Variants in ABCB5 observed in about 807,000 individuals in gnomAD.
ABCB5 encodes the protein ATP binding cassette subfamily B member 5.
Under a neutral mutation model 144.2 loss-of-function variants are expected in ABCB5, and 155 were observed. That is an observed-to-expected ratio of 1.08 (90% CI 0.94 to 1.23). The LOEUF is 1.23. Ranked by LOEUF, ABCB5 falls within the 50% of genes most tolerant of loss-of-function variation. ABCB5 has a pLI of 0.00. For synonymous variants in ABCB5, 610 were observed against 528.6 expected (o/e 1.15, Z -2.11); for missense variants, 1,830 against 1,520.8 (o/e 1.20, Z -3.38).
At chr7:20,619,907 A>G (rs1783773056) in intron 1 of ABCB5, among the ~76,000 whole-genome samples, 1 of 152,152 alleles carries the variant, frequency 6.6e-6, no homozygotes, top group South Asian at 2.1e-4. Flanking sequence ...CTAGCCAGGT[A>G]TCCCAGCACC....
At chr7:20,748,111 T>G (rs923489349) in intron 26 of ABCB5, among the ~76,000 whole-genome samples, 5 of 152,206 alleles carry the variant, frequency 3.3e-5, no homozygotes, top group Admixed American at 3.3e-4. Flanking sequence ...ACCTGGATTC[T>G]TTGTGCTATC....
rs756316819 is a variant in ABCB5 at position 20,739,050 on chromosome 7, T to C, written c.2935T>C (p.Ser979Pro). Residue 979 changes from serine to proline, a missense_variant, in exon 24 of 28, where the codon TCC (serine) becomes CCC (proline). Coordinates refer to ENST00000404938, the MANE Select transcript of ABCB5 (RefSeq NM_001163941.2). ...AACGCTCGTTTTGGCTCCTGAATAT[T>C]CCAAAGCCAAATCGGGGGCTGCGCA... The part of the protein sequence containing the change: ...GETLVLAPEY[S>P]KAKSGAAHLF... 2.5e-6 allele frequency: 4 copies of C among 1,612,856 alleles called. No homozygotes were observed. The South Asian group carries it at 4.4e-5, about 18-fold the overall frequency.
At chr7:20,749,768 T>A (rs984524269) in intron 26 of ABCB5, among the ~76,000 whole-genome samples, 9 of 152,020 alleles carry the variant, frequency 5.9e-5, no homozygotes, top group African/African-American at 2.2e-4. Context: ...GGCTGGGGGT[T>A]CAGAGGAGAC....
chr7:20,739,907 G>A (rs932438724), intron 24 of ABCB5, among the ~76,000 whole-genome samples: 1 of 152,004 alleles, frequency 6.6e-6, no homozygotes, highest in African/African-American at 2.4e-5. Flanking sequence ...TAATAGGTAG[G>A]GTGTATAATT....
At chr7:20,634,555 C>A (rs1309304565) in intron 5 of ABCB5, among the ~76,000 whole-genome samples, 2 of 152,092 alleles carry the variant, frequency 1.3e-5, no homozygotes, top group African/African-American at 4.8e-5. Context: ...TTCTCACCAA[C>A]ATCTGTTATT....
chr7:20,726,960 T>C (rs1782056416), intron 21 of ABCB5, 80 bp from the exon 22 acceptor site: 3 of 924,718 alleles, frequency 3.2e-6, no homozygotes, highest in African/African-American at 3.4e-5. Context: ...GTCCCCAGTG[T>C]GAGTGACTAG....
rs796246369 is a variant in ABCB5 at position 20,681,074 on chromosome 7, T to C, written c.1708-431T>C. On this transcript the variant is annotated intron_variant, in intron 14 of 27. Transcript: ENST00000404938. Reference sequence around the variant, plus strand: ...TCTCTCTCTCTCTTTCTTTCTTTCTTTCTTTCTTTCTTTCTTTCTTTCTTT... The same window carrying C: ...TCTCTCTCTCTCTTTCTTTCTTTCTCTCTTTCTTTCTTTCTTTCTTTCTTT... Among the ~76,000 whole-genome samples the C allele has an allele frequency of 5.6e-3, 67 of 11,888 alleles. 3 individuals are homozygous for C. The highest frequency in any genetic ancestry group is 0.029 in the African/African-American group (58 of 2,006). The allele number at this position is 11,888 out of a possible 152,430, so 7.8% of individuals were successfully genotyped here. A position where few individuals can be genotyped will look rare whatever the true frequency, so the allele number is the denominator to read the frequency against.
chr7:20,695,628 A>G (rs2128042437), intron 16 of ABCB5, among the ~76,000 whole-genome samples: 1 of 152,114 alleles, frequency 6.6e-6, no homozygotes, highest in East Asian at 1.9e-4. Flanking sequence ...AATGAAAAGG[A>G]TAGACCATAA....
rs1782990505 is a variant in ABCB5, at chr7:20,753,377, T to A, written c.3447T>A (p.Val1149=). The change falls in exon 27 of 28, where the codon GTT becomes GTA. Residue 1149 remains valine (V), a synonymous_variant. Transcript: ENST00000404938. ...EGLPEKYNTQ[V]GLKGAQLSGG... ...TGTGATAGAAATACAACACACAAGT[T>A]GGACTGAAAGGAGCACAGCTTTCTG... The A allele has an allele frequency of 6.2e-7, 1 of 1,613,076 alleles. No homozygotes were observed. Among genetic ancestry groups the A allele is most frequent in the Non-Finnish European group, 8.5e-7 (1 of 1,179,518 alleles).
chr7:20,720,385 A>T (rs1781820469), intron 20 of ABCB5, among the ~76,000 whole-genome samples: 1 of 152,242 alleles, frequency 6.6e-6, no homozygotes, highest in African/African-American at 2.4e-5. Context: ...TTTATTAATT[A>T]CAAAGGGAGA....
At chr7:20,690,374 T>C (rs1344403449) in intron 16 of ABCB5, among the ~76,000 whole-genome samples, 1 of 152,266 alleles carries the variant, frequency 6.6e-6, no homozygotes. Context: ...ACTTGTTAAA[T>C]ATTTTGAATA....
intron 27 of ABCB5, 106 bp downstream of exon 27, chr7:20,753,612 G>A: frequency 3.8e-6 from 5 of 1,316,540 alleles, no homozygotes; most frequent in Non-Finnish European, 5.1e-6. Flanking sequence ...GGAAAGAATT[G>A]TAGTTCTAAG....
intron 7 of ABCB5, 118 bp from the exon 8 acceptor site, chr7:20,645,638 A>T (rs1784385461): frequency 1.6e-6 from 2 of 1,286,034 alleles, no homozygotes; most frequent in Non-Finnish European, 2.1e-6. Context: ...AAATACAGAG[A>T]TAAAGTCTAA....
intron 21 of ABCB5, among the ~76,000 whole-genome samples, chr7:20,726,665 C>T (rs1782047945): frequency 6.6e-6 from 1 of 152,166 alleles, no homozygotes. Flanking sequence ...TTGTGCCTAG[C>T]ATCTGCTATC....
rs11547257 is a variant in ABCB5, at chr7:20,647,639, T to C, written c.1086T>C (p.Val362=). The C allele has an allele frequency of 6.4e-7, 1 of 1,567,720 alleles. No individual in the cohort carries two copies. The highest frequency in any genetic ancestry group is 8.7e-7 in the Non-Finnish European group (1 of 1,154,732). Residue 362 remains valine (V), a synonymous_variant, in exon 10 of 28, where the codon GTT becomes GTC. Transcript: ENST00000404938. ...ARGAAFHIFQ[V]IDKKPSIDNF... is the part of the protein sequence containing the mutation. The stretch of plus-strand genomic sequence containing the variant: ...GAGCTGCCTTTCATATTTTCCAGGT[T>C]ATTGATAAGGTAAGACCTCTTATTG...
intron 3 of ABCB5, among the ~76,000 whole-genome samples, chr7:20,628,046 A>G (rs1783947666): frequency 1.3e-5 from 2 of 152,150 alleles, no homozygotes; most frequent in Non-Finnish European, 2.9e-5. Context: ...TCTAGGGTAC[A>G]TGTTCACAAC....
chr7:20,747,998 C>G (rs1285400556), intron 26 of ABCB5, among the ~76,000 whole-genome samples: 1 of 152,146 alleles, frequency 6.6e-6, no homozygotes, highest in Non-Finnish European at 1.5e-5. Context: ...AAGAACTAAG[C>G]TAAATTTCCA....
At chr7:20,713,831 T>C (rs886469583) in intron 20 of ABCB5, among the ~76,000 whole-genome samples, 2 of 149,602 alleles carry the variant, frequency 1.3e-5, no homozygotes, top group Non-Finnish European at 3.0e-5. Context: ...ACTACTCAGC[T>C]GAATACTCAA....
At position 20,753,394 on chromosome 7, in the gene ABCB5, A is replaced by G. The variant is rs1314085393; in HGVS notation, c.3464A>G (p.Gln1155Arg). 1 of 1,614,156 alleles carries G rather than the reference A, an allele frequency of 6.2e-7. No homozygotes were observed. The highest frequency in any genetic ancestry group is 1.7e-5 in the Admixed American group (1 of 60,030). ...YNTQVGLKGA[Q>R]LSGGQKQRLA... ...ACACAAGTTGGACTGAAAGGAGCACAGCTTTCTGGCGGCCAGAAACAAAGA... is the reference window on the plus strand; with the variant it reads ...ACACAAGTTGGACTGAAAGGAGCACGGCTTTCTGGCGGCCAGAAACAAAGA... Residue 1155 changes from glutamine to arginine, a missense_variant, in exon 27 of 28, where the codon CAG becomes CGG. Physicochemically the swap from Gln to Arg is conservative, Grantham distance 43 (BLOSUM62 1). Coordinates refer to ENST00000404938, the MANE Select transcript of ABCB5 (RefSeq NM_001163941.2).
Sources: allele counts gnomAD v4.1 joint callset (sites outside exome capture counted in the v4.1 genomes callset), GRCh38; gene constraint gnomAD v4.1.1; transcripts MANE v1.5; gene names NCBI Gene and HGNC (gene_info 2026-07-23, HGNC 2026-07-21).